The following TSPAN18 variants were observed in gnomAD, a reference collection of about 807,000 sequenced individuals.
The protein encoded by TSPAN18 is tetraspanin 18.
TSPAN18 carries 14 observed loss-of-function variants against 27.3 expected under a neutral mutation model. The observed-to-expected ratio is 0.51, with a 90% confidence interval of 0.34 to 0.80. The LOEUF (loss-of-function observed/expected upper bound fraction) is 0.80. TSPAN18 is among the 30% of genes least tolerant of loss of function. The pLI is 0.01. For synonymous variants in TSPAN18, 143 were observed against 136.5 expected, an observed-to-expected ratio of 1.05 and a Z score of -0.33; for missense variants, 268 against 323.9, an observed-to-expected ratio of 0.83 and a Z score of 1.32.
chr11:44,732,317 C>T (rs1163352485), intron 1 of TSPAN18, among the ~76,000 whole-genome samples: 2 of 152,240 alleles, frequency 1.3e-5, no homozygotes, highest in Admixed American at 6.5e-5. Context: ...AATACTTCAT[C>T]CTGTCTCCGC....
At chr11:44,885,533 T>C (rs1475494155) in intron 3 of TSPAN18, among the ~76,000 whole-genome samples, 1 of 152,076 alleles carries the variant, frequency 6.6e-6, no homozygotes, top group Non-Finnish European at 1.5e-5. Context: ...CTTCCCTTTG[T>C]TTCAGCCCCC....
chr11:44,879,540 C>A (rs1354676615), intron 3 of TSPAN18, among the ~76,000 whole-genome samples: 1 of 152,246 alleles, frequency 6.6e-6, no homozygotes, highest in East Asian at 1.9e-4. Flanking sequence ...TGTGGAATAT[C>A]TGGGGGAAGA....
intron 2 of TSPAN18, among the ~76,000 whole-genome samples, chr11:44,826,140 G>A (rs1464537295): frequency 1.3e-5 from 2 of 152,358 alleles, no homozygotes; most frequent in East Asian, 1.9e-4. Context: ...GCTAAAAGAA[G>A]GGCCGGACGT....
rs923006399 is a variant in TSPAN18 at position 44,774,265 on chromosome 11, G to A, written c.-153+9753G>A. 3.9e-5 allele frequency among the ~76,000 whole-genome samples: 6 copies of A among 152,180 alleles called. No individual in the cohort carries two copies. The East Asian group carries it at 5.8e-4, about 15-fold the overall frequency. ...CAAGAGGCAGGCAGGCATGTCCCACGGGAGAAGGAGGGGGCAGAGCCCAGG... is the reference window on the plus strand; with the variant it reads ...CAAGAGGCAGGCAGGCATGTCCCACAGGAGAAGGAGGGGGCAGAGCCCAGG... On this transcript the variant is annotated intron_variant, in intron 2 of 9. Coordinates refer to ENST00000520358, the MANE Select transcript of TSPAN18 (RefSeq NM_130783.5).
At chr11:44,838,030 G>T (rs547710628) in intron 2 of TSPAN18, among the ~76,000 whole-genome samples, 1 of 152,244 alleles carries the variant, frequency 6.6e-6, no homozygotes, top group African/African-American at 2.4e-5. Flanking sequence ...ATGAGATTTG[G>T]GTGGTGGGGT....
Position 44,929,207 on chromosome 11 carries a change from C to T in TSPAN18, c.*29C>T. ...GTATGGCCTGAAGCCTGAAGACTCG[C>T]CCCACCCACCACTGCCCAGCACCCA... On this transcript the variant is annotated 3_prime_UTR_variant, in exon 10 of 10. Coordinates refer to ENST00000520358, the MANE Select transcript of TSPAN18 (RefSeq NM_130783.5). The T allele has an allele frequency of 6.2e-7, 1 of 1,613,118 alleles. No homozygotes were observed. Among genetic ancestry groups the T allele is most frequent in the Middle Eastern group, 1.7e-4 (1 of 6,046 alleles).
intron 2 of TSPAN18, among the ~76,000 whole-genome samples, chr11:44,841,703 G>A (rs932508592): frequency 4.3e-4 from 65 of 152,178 alleles, no homozygotes; most frequent in Non-Finnish European, 8.2e-4. Context: ...CCATCTGAGA[G>A]GGAAGTATGT....
At chr11:44,882,587 G>GACACACACACACACACACACAC (rs748475836) in intron 3 of TSPAN18, among the ~76,000 whole-genome samples, 1 of 130,770 alleles carries the variant, frequency 7.6e-6, no homozygotes, top group African/African-American at 3.0e-5. Context: ...CAGAGAGAGA[G>GACACACACACACACACACACAC]ACACACACAC....
At chr11:44,838,225 G>T (rs1350962552) in intron 2 of TSPAN18, among the ~76,000 whole-genome samples, 1 of 152,198 alleles carries the variant, frequency 6.6e-6, no homozygotes, top group Non-Finnish European at 1.5e-5. Flanking sequence ...GGCTGGGGAG[G>T]CCTCACAATC....
At chr11:44,898,805 C>T (rs1859155764) in intron 3 of TSPAN18, among the ~76,000 whole-genome samples, 1 of 152,238 alleles carries the variant, frequency 6.6e-6, no homozygotes, top group Non-Finnish European at 1.5e-5. Flanking sequence ...GAGATCCGAT[C>T]ACCTCTTAAA....
chr11:44,841,567 A>AT (rs60370369), intron 2 of TSPAN18, among the ~76,000 whole-genome samples: 2,592 of 151,934 alleles, frequency 0.017, 66 homozygotes, highest in African/African-American at 0.06. Context: ...GTGGGAAAAT[A>AT]TTTTTTTAAA....
intron 2 of TSPAN18, among the ~76,000 whole-genome samples, chr11:44,786,402 A>G (rs1169739906): frequency 6.6e-6 from 1 of 151,880 alleles, no homozygotes; most frequent in African/African-American, 2.4e-5. Context: ...AGGGAAAGAA[A>G]CTCTGTGGGT....
chr11:44,887,650 C>T (rs1462900004), intron 3 of TSPAN18, among the ~76,000 whole-genome samples: 1 of 152,154 alleles, frequency 6.6e-6, no homozygotes, highest in Non-Finnish European at 1.5e-5. Flanking sequence ...CTGACCCTTG[C>T]ATAGCCCCAG....
chr11:44,782,075 G>A (rs1331287898), intron 2 of TSPAN18, among the ~76,000 whole-genome samples: 2 of 152,178 alleles, frequency 1.3e-5, no homozygotes, highest in African/African-American at 4.8e-5. Context: ...ATAGTAATTT[G>A]TGTATCCATT....
intron 3 of TSPAN18, among the ~76,000 whole-genome samples, chr11:44,880,851 C>T (rs1283617862): frequency 4.6e-5 from 7 of 152,240 alleles, no homozygotes; most frequent in Non-Finnish European, 8.8e-5. Flanking sequence ...AGGGCAGCAC[C>T]GCTCAATGCT....
intron 1 of TSPAN18, among the ~76,000 whole-genome samples, chr11:44,729,165 AGAG>A (rs1281738145): frequency 6.6e-5 from 10 of 152,240 alleles, no homozygotes; most frequent in African/African-American, 2.4e-4. Context: ...TTTGAATAGA[AGAG>A]GAGGAGGAGA....
chr11:44,747,869 T>TAC (rs987605379), intron 1 of TSPAN18, among the ~76,000 whole-genome samples: 6 of 152,152 alleles, frequency 3.9e-5, no homozygotes, highest in South Asian at 2.1e-4. Flanking sequence ...CTGTTTCCAC[T>TAC]ACACACACAC....
intron 3 of TSPAN18, among the ~76,000 whole-genome samples, chr11:44,875,190 C>A (rs914193336): frequency 6.6e-6 from 1 of 152,200 alleles, no homozygotes; most frequent in Non-Finnish European, 1.5e-5. Flanking sequence ...TTCTCTGATG[C>A]CACTGCCAAA....
chr11:44,921,514 G>A lies in TSPAN18; in HGVS notation c.615+1515G>A, dbSNP rs536589099. Among the ~76,000 whole-genome samples, 4 of 152,322 alleles carry A rather than the reference G, an allele frequency of 2.6e-5. No homozygotes were observed. The South Asian group carries it at 8.3e-4, about 32-fold the overall frequency. Reference sequence around the variant, plus strand: ...AGTTCTGGCTAACGGGAGGTGAGCAGAGGTGATTTGTGCAACTTGAGTCAC... The same window carrying A: ...AGTTCTGGCTAACGGGAGGTGAGCAAAGGTGATTTGTGCAACTTGAGTCAC... On this transcript the variant is annotated intron_variant, in intron 8 of 9. Transcript: ENST00000520358.
Sources: allele counts gnomAD v4.1 joint callset (sites outside exome capture counted in the v4.1 genomes callset), GRCh38; gene constraint gnomAD v4.1.1; transcripts MANE v1.5; gene names NCBI Gene and HGNC (gene_info 2026-07-23, HGNC 2026-07-21).